The following FGF14 variants were observed in gnomAD, a reference collection of about 807,000 sequenced individuals.
FGF14 encodes the protein fibroblast growth factor homologous factor 4.
In FGF14, 5 loss-of-function variants were observed where a neutral mutation model predicts 25.5. The ratio of observed to expected loss-of-function variants is 0.20; its 90% CI spans 0.10 to 0.41. The LOEUF (loss-of-function observed/expected upper bound fraction) is 0.41, where lower values mean the gene tolerates loss of function less well. Among genes scored for constraint, FGF14 ranks in the 10% least tolerant of loss-of-function variants. The probability of loss-of-function intolerance (pLI) is 1.00; values close to 1 mark genes in which losing one functional copy is unlikely to be tolerated. For synonymous variants in FGF14, 138 were observed against 118.3 expected, an observed-to-expected ratio of 1.17 and a Z score of -1.08; for missense variants, 222 against 320.1, an observed-to-expected ratio of 0.69 and a Z score of 2.34.
intron 1 of FGF14, among the ~76,000 whole-genome samples, chr13:102,163,239 G>A (rs2047856638): frequency 6.6e-6 from 1 of 152,064 alleles, no homozygotes; most frequent in African/African-American, 2.4e-5. Context: ...GTATAGTTTA[G>A]GGCTATCATA....
chr13:102,174,630 G>A (rs1047460798), intron 1 of FGF14, among the ~76,000 whole-genome samples: 6 of 152,074 alleles, frequency 3.9e-5, no homozygotes, highest in Non-Finnish European at 7.4e-5. Flanking sequence ...GAAAGAAATC[G>A]TGGATAATGG....
intron 1 of FGF14, among the ~76,000 whole-genome samples, chr13:101,984,425 G>A (rs2038447006): frequency 6.6e-6 from 1 of 151,880 alleles, no homozygotes; most frequent in Admixed American, 6.6e-5. Flanking sequence ...AATCTATCTA[G>A]TACTTGATTT....
In FGF14 at chr13:102,051,751, T is replaced by C. The variant is rs2042223653; in HGVS notation, c.209-176455A>G. 3.3e-5 allele frequency among the ~76,000 whole-genome samples: 5 copies of C among 151,996 alleles called. No homozygotes were observed. In the South Asian group the frequency reaches 1.0e-3, roughly 31 times the overall value. The stretch of plus-strand genomic sequence containing the variant: ...CCAGCAAGCATTCTCACATCCCCTC[T>C]CTCCCATAAAGGAAGGTCTTTCCAC... On this transcript the variant is annotated intron_variant, in intron 1 of 4. Transcript: ENST00000376131.
intron 1 of FGF14, among the ~76,000 whole-genome samples, chr13:102,320,225 G>A (rs2056192740): frequency 6.7e-6 from 1 of 148,196 alleles, no homozygotes; most frequent in Admixed American, 6.7e-5. Flanking sequence ...GTATGAGCAT[G>A]CAATTAAAGA....
At chr13:102,294,998 T>G (rs1309429239) in intron 1 of FGF14, among the ~76,000 whole-genome samples, 1 of 152,214 alleles carries the variant, frequency 6.6e-6, no homozygotes, top group Non-Finnish European at 1.5e-5. Flanking sequence ...CAAAATATTT[T>G]AAAATACCTA....
chr13:102,316,885 A>T (rs17590098), intron 1 of FGF14, among the ~76,000 whole-genome samples: 9,893 of 152,266 alleles, frequency 0.065, 447 homozygotes, highest in Middle Eastern at 0.12. Flanking sequence ...TACTGATATT[A>T]AATGCTGGCA....
chr13:101,901,901 T>A (rs2031605963), intron 1 of FGF14, among the ~76,000 whole-genome samples: 1 of 152,178 alleles, frequency 6.6e-6, no homozygotes, highest in African/African-American at 2.4e-5. Flanking sequence ...AAGGGTTTTT[T>A]AAGCTTTACT....
At chr13:102,278,645 TACATACAC>T (rs1261692806) in intron 1 of FGF14, among the ~76,000 whole-genome samples, 1 of 146,954 alleles carries the variant, frequency 6.8e-6, no homozygotes, top group African/African-American at 2.6e-5. Context: ...TATATATATA[TACATACAC>T]ACACATACAC....
intron 3 of FGF14, among the ~76,000 whole-genome samples, chr13:101,799,363 T>C (rs142583011): frequency 2.0e-5 from 3 of 152,236 alleles, no homozygotes; most frequent in Non-Finnish European, 4.4e-5. Flanking sequence ...CTCAGAAGCC[T>C]GTCTTCACTC....
At chr13:102,202,477 G>A (rs1367774380) in intron 1 of FGF14, among the ~76,000 whole-genome samples, 2 of 152,178 alleles carry the variant, frequency 1.3e-5, no homozygotes, top group African/African-American at 4.8e-5. Flanking sequence ...CAGGGCAGAA[G>A]GAGGAATTAC....
intron 1 of FGF14, among the ~76,000 whole-genome samples, chr13:102,383,851 A>AG (rs2139189431): frequency 6.6e-6 from 1 of 152,330 alleles, no homozygotes; most frequent in East Asian, 1.9e-4. Context: ...GAATTCAGGA[A>AG]GGGTTGGGTG....
chr13:101,919,189 AAG>A (rs1383067634), upstream of FGF14, among the ~76,000 whole-genome samples: 2 of 152,180 alleles, frequency 1.3e-5, no homozygotes, highest in Non-Finnish European at 2.9e-5. Context: ...ACTGAACATT[AAG>A]AGTCACTACT....
intron 1 of FGF14, among the ~76,000 whole-genome samples, chr13:102,135,012 C>T (rs560440901): frequency 2.5e-5 from 3 of 121,978 alleles, no homozygotes; most frequent in East Asian, 2.2e-4. Flanking sequence ...AGGGAGACCC[C>T]GTGTCCACAC....
In FGF14 at chr13:102,205,984, TAAAAAAAAAAAAAAAAAAAA is replaced by T. The variant is rs36108366; in HGVS notation, c.208+195467_208+195486del. 4.8e-4 allele frequency among the ~76,000 whole-genome samples: 23 copies of T among 47,462 alleles called. 1 individual carries two copies. Among genetic ancestry groups the T allele is most frequent in the South Asian group, 4.3e-3 (3 of 696 alleles). The allele number at this position is 47,462 out of a possible 152,430, so 31.1% of individuals were successfully genotyped here. On this transcript the variant is annotated intron_variant, in intron 1 of 4. Transcript: ENST00000376131. ...AGGTAGCTCAAGAAGCTCCCTGTGG[TAAAAAAAAAAAAAAAAAAAA>T]AAAAAAAAAAAAAAAAAAAAAAAAA...
chr13:102,342,177 T>G (rs2056971638), intron 1 of FGF14, among the ~76,000 whole-genome samples: 1 of 152,184 alleles, frequency 6.6e-6, no homozygotes, highest in Non-Finnish European at 1.5e-5. Context: ...CATTGAGGAC[T>G]TATCGTTCCT....
At chr13:101,981,509 GACA>G (rs1372139732) in intron 1 of FGF14, among the ~76,000 whole-genome samples, 1 of 152,154 alleles carries the variant, frequency 6.6e-6, no homozygotes, top group African/African-American at 2.4e-5. Flanking sequence ...CATAGACTAA[GACA>G]ACATGTGGCA....
intron 1 of FGF14, among the ~76,000 whole-genome samples, chr13:102,304,944 G>T (rs1339378523): frequency 6.6e-6 from 1 of 152,152 alleles, no homozygotes; most frequent in Non-Finnish European, 1.5e-5. Flanking sequence ...GAAATTGTGT[G>T]AAATGATGAA....
intron 1 of FGF14, among the ~76,000 whole-genome samples, chr13:101,984,719 C>T (rs1347825400): frequency 6.6e-6 from 1 of 151,950 alleles, no homozygotes; most frequent in East Asian, 1.9e-4. Context: ...CTGCATTCCC[C>T]AAAGACACAT....
intron 1 of FGF14, among the ~76,000 whole-genome samples, chr13:102,269,790 A>T (rs2053159434): frequency 6.6e-6 from 1 of 151,992 alleles, no homozygotes; most frequent in Non-Finnish European, 1.5e-5. Context: ...GGATTGCTTG[A>T]GCCTAGGAGT....
Sources: gnomAD v4.1 joint callset for allele counts (sites outside exome capture counted in the v4.1 genomes callset) on GRCh38, gnomAD v4.1.1 for gene constraint, MANE v1.5 for transcripts, NCBI Gene and HGNC (gene_info 2026-07-23, HGNC 2026-07-21) for gene names.